USP54: variants seen among roughly 807,000 people sequenced by gnomAD.
USP54 encodes the protein ubiquitin carboxyl-terminal hydrolase 54.
A neutral mutation model predicts 170.5 loss-of-function variants in USP54; 87 were observed. The ratio of observed to expected loss-of-function variants is 0.51; its 90% CI spans 0.43 to 0.61. The LOEUF is 0.61. USP54 is among the 20% of genes least tolerant of loss of function. The pLI, the probability that USP54 is intolerant of heterozygous loss-of-function variation, is 0.00. For missense variants in USP54, 1,786 were observed against 2,047.8 expected (o/e 0.87, Z 2.47); for synonymous variants, 655 against 742.8 (o/e 0.88, Z 1.92).
intron 20 of USP54, chr10:73,513,340 C>T (rs1446420196): frequency 1.3e-5 from 2 of 152,096 alleles, no homozygotes; most frequent in East Asian, 3.9e-4. Flanking sequence ...TGGCACACGC[C>T]TATGGTTCCA....
At chr10:73,508,492 G>T (rs981565191) in intron 20 of USP54, among the ~76,000 whole-genome samples, 3 of 151,812 alleles carry the variant, frequency 2.0e-5, no homozygotes, top group African/African-American at 4.8e-5. Flanking sequence ...GGGTTAAGAT[G>T]ATGTCTACCC....
intron 1 of USP54, among the ~76,000 whole-genome samples, chr10:73,587,343 C>G (rs777262325): frequency 6.6e-6 from 1 of 151,944 alleles, no homozygotes; most frequent in Non-Finnish European, 1.5e-5. Flanking sequence ...GGTGTGGTGG[C>G]GAGCACCTGT....
intron 16 of USP54, among the ~76,000 whole-genome samples, chr10:73,525,792 T>C (rs569035317): frequency 3.3e-5 from 5 of 152,364 alleles, no homozygotes; most frequent in South Asian, 2.1e-4. Context: ...TTAGTATACA[T>C]ACCTAAAAGG....
At position 73,576,253 on chromosome 10, in the gene USP54, T is replaced by C. The variant is rs1363576280; in HGVS notation, c.-473A>G. 2.0e-5 allele frequency: 3 copies of C among 152,208 alleles called. No individual in the cohort carries two copies. The highest frequency in any genetic ancestry group is 7.2e-5 in the African/African-American group (3 of 41,444). 9.4% of individuals were successfully genotyped at this position (152,208 alleles called of 1,614,324 possible). On this transcript the variant is annotated 5_prime_UTR_variant, in exon 2 of 24. Coordinates refer to ENST00000687698, the MANE Select transcript of USP54 (RefSeq NM_001391956.1). The stretch of plus-strand genomic sequence containing the variant: ...GAATCATCTGAGGTTTTTGTTGATG[T>C]TCTTGCTGCTTCTTTTTAATGTGCC...
chr10:73,619,393 T>C (rs923414175), intron 1 of USP54, among the ~76,000 whole-genome samples: 2 of 149,164 alleles, frequency 1.3e-5, no homozygotes, highest in Admixed American at 1.3e-4. Context: ...AAATCCTGGC[T>C]AAATTTTTCA....
chr10:73,576,498 GAAAAAAAGAAAAAAA>G (rs1265958784), intron 1 of USP54, 137 bp from the exon 2 acceptor site: 1 of 57,368 alleles, frequency 1.7e-5, no homozygotes, highest in East Asian at 4.5e-4. Context: ...CAAAAAAAAA[GAAAAAAAGAAAAAAA>G]AAAAAAAGAG....
chr10:73,621,301 A>G (rs75678601), intron 1 of USP54, among the ~76,000 whole-genome samples: 5,394 of 150,060 alleles, frequency 0.036, 200 homozygotes, highest in South Asian at 0.12. Flanking sequence ...TTCTCAATAT[A>G]AAAAAACTAC....
chr10:73,536,318 T>C lies in USP54; in HGVS notation c.1095A>G (p.Gln365=), dbSNP rs1318540589. The change falls in exon 11 of 24, where the codon CAA becomes CAG. Residue 365 remains glutamine, a synonymous_variant. Coordinates refer to ENST00000687698, the MANE Select transcript of USP54 (RefSeq NM_001391956.1). ...TPVSTQDLPP[Q]AEFQSYSRTC... is the part of the protein sequence containing the mutation. ...TCCTGCTGTATGACTGGAACTCAGC[T>C]TGGGGAGGCAGGTCCTGGGTGGAAA... 3.1e-6 allele frequency: 5 copies of C among 1,614,122 alleles called. No homozygotes were observed. The highest frequency in any genetic ancestry group is 4.2e-6 in the Non-Finnish European group (5 of 1,180,004).
intron 20 of USP54, 133 bp from the exon 21 acceptor site, chr10:73,505,559 A>C: frequency 1.4e-6 from 1 of 707,352 alleles, no homozygotes; most frequent in Non-Finnish European, 2.3e-6. Flanking sequence ...TCAACGGAGG[A>C]ACATGCTCCT....
Position 73,534,626 on chromosome 10 carries a change from G to C in USP54, c.1289C>G (p.Ser430Cys), listed in dbSNP as rs745619776. ...TGTGTCCCGACTGCTCTGAGACATG[G>C]AATCATTTTCCACATTATAGATGAC... ...GTVIYNVEND[S>C]MSQSSRDTGH... The change falls in exon 12 of 24, where the codon TCC (serine) becomes TGC (cysteine). Residue 430 changes from serine to cysteine, a missense_variant. This residue lies in a region of USP54 where 1,418 missense variants were observed against 1,569.0 expected (regional missense o/e 0.90). Coordinates refer to ENST00000687698, the MANE Select transcript of USP54 (RefSeq NM_001391956.1). The C allele has an allele frequency of 3.1e-6, 5 of 1,613,988 alleles. No individual in the cohort carries two copies. Among genetic ancestry groups the C allele is most frequent in the African/African-American group, 1.3e-5 (1 of 74,912 alleles).
At position 73,530,294 on chromosome 10, in the gene USP54, A is replaced by ACT; in HGVS notation, c.1675_1676dup (p.Ser559ArgfsTer26). 6.2e-7 allele frequency: 1 copy of ACT among 1,613,950 alleles called. No individual in the cohort carries two copies. The highest frequency in any genetic ancestry group is 8.5e-7 in the Non-Finnish European group (1 of 1,180,006). On this transcript the variant is annotated frameshift_variant, in exon 14 of 24. Coordinates refer to ENST00000687698, the MANE Select transcript of USP54 (RefSeq NM_001391956.1). LOFTEE classifies it high-confidence loss of function. ...AACTGGATTTTGACTCACTGCTGGTACTCTCTATTTCCCAGTCACGAGAGT... is the reference window on the plus strand; with the variant it reads ...AACTGGATTTTGACTCACTGCTGGTACTCTCTCTATTTCCCAGTCACGAGAGT...
intron 4 of USP54, among the ~76,000 whole-genome samples, chr10:73,550,380 A>G (rs1193663424): frequency 6.6e-6 from 1 of 152,184 alleles, no homozygotes; most frequent in East Asian, 1.9e-4. Flanking sequence ...TTTTATCCAA[A>G]TACTACCTTC....
intron 10 of USP54, among the ~76,000 whole-genome samples, chr10:73,539,065 G>A (rs186100369): frequency 6.6e-6 from 1 of 151,892 alleles, no homozygotes; most frequent in African/African-American, 2.4e-5. Context: ...CGGATCACAA[G>A]GTCAGGAGTT....
intron 1 of USP54, among the ~76,000 whole-genome samples, chr10:73,620,312 CAAA>C (rs757270815): frequency 8.5e-6 from 1 of 118,134 alleles, no homozygotes; most frequent in Non-Finnish European, 1.7e-5. Context: ...GACTCCATCT[CAAA>C]AAAAAAAAAG....
intron 1 of USP54, among the ~76,000 whole-genome samples, chr10:73,579,779 C>A (rs115304044): frequency 0.04 from 5,993 of 148,786 alleles, 247 homozygotes; most frequent in East Asian, 0.22. Flanking sequence ...ACAACAACAA[C>A]AAAAAAAAAC....
chr10:73,556,367 A>G (rs2071035883), intron 4 of USP54, among the ~76,000 whole-genome samples: 1 of 145,648 alleles, frequency 6.9e-6, no homozygotes, highest in Non-Finnish European at 1.5e-5. Context: ...TTTTTGAGAC[A>G]GAGTCTCCCT....
intron 22 of USP54, 50 bp downstream of exon 22, chr10:73,504,800 C>T (rs1254145235): frequency 3.1e-6 from 5 of 1,612,424 alleles, no homozygotes; most frequent in Non-Finnish European, 4.2e-6. Context: ...TGTATTTTTG[C>T]TTAGCAAGGA....
At chr10:73,500,566 C>G (rs1408515473) in intron 23 of USP54, 89 bp downstream of exon 23, 5 of 1,289,016 alleles carry the variant, frequency 3.9e-6, no homozygotes, top group Non-Finnish European at 3.2e-6. Flanking sequence ...TGGGATACCC[C>G]CCTCCCCATA....
At chr10:73,575,128 G>C (rs1193981994) in intron 3 of USP54, among the ~76,000 whole-genome samples, 1 of 151,886 alleles carries the variant, frequency 6.6e-6, no homozygotes, top group Non-Finnish European at 1.5e-5. Context: ...GGGAGGCTGA[G>C]GCAAGAGAAT....
Sources: allele counts gnomAD v4.1 joint callset (sites outside exome capture counted in the v4.1 genomes callset), GRCh38; gene constraint gnomAD v4.1.1; regional missense constraint gnomAD v4.1.1; transcripts MANE v1.5; gene names NCBI Gene and HGNC (gene_info 2026-07-23, HGNC 2026-07-21).